Variants in KALRN observed in about 807,000 individuals in gnomAD.
KALRN encodes kalirin.
Under a neutral mutation model 353.7 loss-of-function variants are expected in KALRN, and 70 were observed. The observed-to-expected ratio is 0.20, with a 90% CI of 0.16 to 0.24. The LOEUF is 0.24. KALRN is among the 10% of genes least tolerant of loss of function. KALRN has a pLI of 1.00. For missense variants in KALRN, 2,791 were observed against 3,756.7 expected (o/e 0.74, Z 6.72); for synonymous variants, 1,391 against 1,434.8 (o/e 0.97, Z 0.69).
intron 7 of KALRN, among the ~76,000 whole-genome samples, chr3:124,327,558 A>G (rs949606207): frequency 6.6e-6 from 1 of 152,182 alleles, no homozygotes. Flanking sequence ...GGATTTGTAA[A>G]TGAACTTACC....
intron 1 of KALRN, among the ~76,000 whole-genome samples, chr3:124,164,908 A>AC (rs1237779449): frequency 2.0e-5 from 3 of 152,102 alleles, no homozygotes; most frequent in Non-Finnish European, 4.4e-5. Context: ...TTCGGTGCTA[A>AC]CCCCAGGCAT....
At chr3:124,555,249 C>T (rs925985646) in intron 33 of KALRN, among the ~76,000 whole-genome samples, 13 of 151,766 alleles carry the variant, frequency 8.6e-5, no homozygotes, top group Admixed American at 5.3e-4. Context: ...AAAAAGTTCT[C>T]AGCCCGGCGC....
intron 1 of KALRN, among the ~76,000 whole-genome samples, chr3:124,106,048 CAA>C (rs2062275287): frequency 6.6e-6 from 1 of 152,064 alleles, no homozygotes; most frequent in Non-Finnish European, 1.5e-5. Flanking sequence ...CTAAGGCAGA[CAA>C]TACACAAGTC....
chr3:124,673,710 T>C lies in KALRN; in HGVS notation c.6943-654T>C, dbSNP rs531767983. 1.2e-3 allele frequency among the ~76,000 whole-genome samples: 182 copies of C among 152,018 alleles called. 1 individual carries two copies. The highest frequency in any genetic ancestry group is 3.8e-3 in the African/African-American group (159 of 41,442). Reference sequence around the variant, plus strand: ...CCAGTCCTCCTAGGAAAGTTACAAGTCTGTCTAGAGGCAGCTGCCCTGAAA... The same window carrying C: ...CCAGTCCTCCTAGGAAAGTTACAAGCCTGTCTAGAGGCAGCTGCCCTGAAA... On this transcript the variant is annotated intron_variant, in intron 48 of 59. Transcript: ENST00000682506.
chr3:124,370,248 C>CA (rs1288638407), intron 10 of KALRN, among the ~76,000 whole-genome samples: 1 of 150,836 alleles, frequency 6.6e-6, no homozygotes, highest in Admixed American at 6.6e-5. Flanking sequence ...GATCAGGATA[C>CA]AAAAAAGATA....
intron 3 of KALRN, among the ~76,000 whole-genome samples, chr3:124,243,285 C>T (rs2080727428): frequency 6.6e-6 from 1 of 152,144 alleles, no homozygotes; most frequent in Non-Finnish European, 1.5e-5. Context: ...TACAGGGGCT[C>T]ATGGAAACGC....
intron 1 of KALRN, among the ~76,000 whole-genome samples, chr3:124,035,933 GA>G (rs1386829943): frequency 6.6e-6 from 1 of 152,258 alleles, no homozygotes; most frequent in Non-Finnish European, 1.5e-5. Flanking sequence ...CATGTTGCAA[GA>G]GGGGGTAGGT....
intron 18 of KALRN, 106 bp downstream of exon 18, chr3:124,439,143 C>T (rs940014067): frequency 1.6e-5 from 17 of 1,033,126 alleles, no homozygotes; most frequent in Non-Finnish European, 2.1e-5. Context: ...CTCTCTCTTT[C>T]TCTTTCTCTC....
At chr3:124,508,755 C>T (rs980129188) in intron 33 of KALRN, among the ~76,000 whole-genome samples, 1 of 152,098 alleles carries the variant, frequency 6.6e-6, no homozygotes, top group African/African-American at 2.4e-5. Flanking sequence ...GTGCCGATAC[C>T]AAATTTACAC....
chr3:124,696,959 C>T (rs754167290), intron 54 of KALRN, among the ~76,000 whole-genome samples: 7 of 152,110 alleles, frequency 4.6e-5, no homozygotes, highest in African/African-American at 1.4e-4. Flanking sequence ...CTTGCTCTGT[C>T]GCTCAGGCTG....
At chr3:124,053,986 C>T (rs1004121691) in intron 1 of KALRN, among the ~76,000 whole-genome samples, 1 of 152,204 alleles carries the variant, frequency 6.6e-6, no homozygotes, top group African/African-American at 2.4e-5. Flanking sequence ...AGGCCTCTAG[C>T]CAAATGCAAA....
intron 1 of KALRN, among the ~76,000 whole-genome samples, chr3:124,167,347 C>T (rs898585852): frequency 6.6e-6 from 1 of 152,190 alleles, no homozygotes; most frequent in Non-Finnish European, 1.5e-5. Flanking sequence ...GAGAATAATT[C>T]AGAAAGTTGT....
At chr3:124,207,269 C>T (rs758320673) in intron 1 of KALRN, among the ~76,000 whole-genome samples, 4 of 152,198 alleles carry the variant, frequency 2.6e-5, no homozygotes, top group Non-Finnish European at 4.4e-5. Context: ...CCCTCCTTCC[C>T]CTGCCAGGAA....
chr3:124,220,477 CT>C (rs1334090630), intron 1 of KALRN, among the ~76,000 whole-genome samples: 2 of 152,026 alleles, frequency 1.3e-5, no homozygotes, highest in Non-Finnish European at 2.9e-5. Context: ...TTTTCTCCCA[CT>C]CTTGCCACCT....
chr3:124,635,423 A>T (rs2081256188), intron 36 of KALRN, among the ~76,000 whole-genome samples: 1 of 152,110 alleles, frequency 6.6e-6, no homozygotes, highest in Non-Finnish European at 1.5e-5. Context: ...ATAATTTTTA[A>T]CCCAGAATTC....
At chr3:124,131,916 G>A (rs898439844) in intron 1 of KALRN, among the ~76,000 whole-genome samples, 1 of 152,158 alleles carries the variant, frequency 6.6e-6, no homozygotes, top group Non-Finnish European at 1.5e-5. Flanking sequence ...TAAAATGGGG[G>A]AAATGATGTC....
intron 1 of KALRN, among the ~76,000 whole-genome samples, chr3:124,069,205 T>C (rs1207808896): frequency 6.6e-6 from 1 of 152,066 alleles, no homozygotes; most frequent in East Asian, 1.9e-4. Flanking sequence ...CACACAGCTG[T>C]TAAGTGGCAG....
chr3:124,077,408 A>ATTCATTCCTACTC (rs562215207), intron 1 of KALRN, among the ~76,000 whole-genome samples: 3 of 152,132 alleles, frequency 2.0e-5, no homozygotes, highest in African/African-American at 4.8e-5. Context: ...ACTTAAGGCC[A>ATTCATTCCTACTC]TTCATTCCTA....
intron 10 of KALRN, among the ~76,000 whole-genome samples, chr3:124,368,184 GGGGGGC>G: frequency 1.3e-5 from 1 of 78,482 alleles, no homozygotes; most frequent in Non-Finnish European, 2.5e-5. Flanking sequence ...CTGGCCGGGC[GGGGGGC>G]TGACCCCCCA....
Sources: allele counts gnomAD v4.1 joint callset (sites outside exome capture counted in the v4.1 genomes callset), GRCh38; gene constraint gnomAD v4.1.1; transcripts MANE v1.5; gene names NCBI Gene and HGNC (gene_info 2026-07-23, HGNC 2026-07-21).